CWC27: variants seen among roughly 807,000 people sequenced by gnomAD.
CWC27 encodes the protein spliceosome-associated protein CWC27 homolog.
In CWC27, 47 loss-of-function variants were observed where a neutral mutation model predicts 63.6. The observed-to-expected ratio is 0.74, with a 90% CI of 0.58 to 0.94. The LOEUF is 0.94. Ranked by LOEUF, CWC27 falls within the 40% of genes least tolerant of loss-of-function variation. The probability of loss-of-function intolerance (pLI) is 0.00; values close to 1 mark genes in which losing one functional copy is unlikely to be tolerated. For missense variants in CWC27, 495 were observed against 554.3 expected (o/e 0.89, Z 1.07); for synonymous variants, 175 against 179.8 (o/e 0.97, Z 0.22).
chr5:64,810,372 A>AT (rs1346788928), intron 10 of CWC27, among the ~76,000 whole-genome samples: 1 of 152,036 alleles, frequency 6.6e-6, no homozygotes, highest in Non-Finnish European at 1.5e-5. Flanking sequence ...TGCTTAGGCT[A>AT]TTTGGGGTCT....
intron 11 of CWC27, among the ~76,000 whole-genome samples, chr5:64,951,102 T>C (rs1239453799): frequency 1.3e-5 from 2 of 151,956 alleles, no homozygotes; most frequent in Admixed American, 6.6e-5. Flanking sequence ...GATAAATACC[T>C]AACAGTGTGA....
intron 11 of CWC27, among the ~76,000 whole-genome samples, chr5:64,902,035 A>G (rs1747521453): frequency 6.6e-6 from 1 of 152,192 alleles, no homozygotes; most frequent in Non-Finnish European, 1.5e-5. Context: ...CTTCTTCTGG[A>G]ATACCTCCAT....
At chr5:64,975,607 G>T (rs191255457) in intron 12 of CWC27, among the ~76,000 whole-genome samples, 1 of 152,020 alleles carries the variant, frequency 6.6e-6, no homozygotes, top group Admixed American at 6.6e-5. Flanking sequence ...ATAGCCACTT[G>T]CTTCTTCCTG....
chr5:64,892,957 G>A (rs1450808425), intron 11 of CWC27, among the ~76,000 whole-genome samples: 2 of 152,172 alleles, frequency 1.3e-5, no homozygotes, highest in African/African-American at 4.8e-5. Context: ...AATTCTGCAA[G>A]GAAAGATTAC....
Position 64,977,213 on chromosome 5 carries a change from A to C in CWC27, c.1231A>C (p.Thr411Pro). ...AETPENDIPE[T>P]EVEDDEGWMS... ...AACGCCTGAAAATGACATTCCTGAA[A>C]CAGAAGTAGAAGATGATGAAGGATG... Residue 411 changes from threonine (T) to proline (P), a missense_variant, in exon 13 of 14, where the codon ACA (threonine) becomes CCA (proline). Thr to Pro is a conservative substitution (Grantham distance 38). Around this residue, in one of 3 missense-constraint regions of CWC27, gnomAD observed 463 missense variants for 498.1 expected, o/e 0.93. Transcript: ENST00000381070. 6.2e-7 allele frequency: 1 copy of C among 1,611,276 alleles called. No individual in the cohort carries two copies. Among genetic ancestry groups the C allele is most frequent in the Non-Finnish European group, 8.5e-7 (1 of 1,177,918 alleles).
At chr5:64,869,636 C>G (rs182220440) in intron 10 of CWC27, among the ~76,000 whole-genome samples, 16 of 152,138 alleles carry the variant, frequency 1.1e-4, no homozygotes, top group Admixed American at 5.2e-4. Flanking sequence ...TTATTTTCAG[C>G]TAAATGCCAA....
chr5:64,822,937 G>A (rs1426090089), intron 10 of CWC27, among the ~76,000 whole-genome samples: 2 of 152,124 alleles, frequency 1.3e-5, no homozygotes, highest in Non-Finnish European at 1.5e-5. Context: ...TACATAGCAC[G>A]ATTAAAACAA....
chr5:64,837,708 C>T (rs1303912276), intron 10 of CWC27, among the ~76,000 whole-genome samples: 3 of 151,764 alleles, frequency 2.0e-5, no homozygotes, highest in Non-Finnish European at 4.4e-5. Flanking sequence ...CAAACCTCAC[C>T]TCACGGGGGT....
chr5:64,975,885 TG>T (rs2112445829), intron 12 of CWC27, among the ~76,000 whole-genome samples: 1 of 152,128 alleles, frequency 6.6e-6, no homozygotes, highest in African/African-American at 2.4e-5. Flanking sequence ...GCCAATATAA[TG>T]AAACCCCATC....
chr5:64,854,681 A>G lies in CWC27; in HGVS notation c.939-30762A>G, dbSNP rs1431440800. 3.3e-5 allele frequency among the ~76,000 whole-genome samples: 5 copies of G among 152,336 alleles called. No individual in the cohort carries two copies. In the South Asian group the frequency reaches 8.3e-4, roughly 25 times the overall value. On this transcript the variant is annotated intron_variant, in intron 10 of 13. Transcript: ENST00000381070. ...TTCTGTGCTTCAGGATGAAATAAAG[A>G]CACATCTTAGAAATAGCTCTTCTTA...
chr5:64,786,894 G>A (rs1743906318), intron 6 of CWC27, among the ~76,000 whole-genome samples: 1 of 152,136 alleles, frequency 6.6e-6, no homozygotes, highest in South Asian at 2.1e-4. Flanking sequence ...CTGAGACAGG[G>A]TAATTCATAA....
At chr5:64,873,449 C>A (rs1446130003) in intron 10 of CWC27, among the ~76,000 whole-genome samples, 4 of 151,846 alleles carry the variant, frequency 2.6e-5, no homozygotes, top group African/African-American at 9.7e-5. Context: ...TAGCAATAGA[C>A]CCTTCTCTCT....
At chr5:64,962,978 A>G (rs913736734) in intron 11 of CWC27, among the ~76,000 whole-genome samples, 13 of 152,188 alleles carry the variant, frequency 8.5e-5, no homozygotes, top group Admixed American at 3.3e-4. Flanking sequence ...ATTTTGTGAG[A>G]CAGAGTCTCT....
At chr5:64,932,689 T>A (rs939658500) in intron 11 of CWC27, among the ~76,000 whole-genome samples, 1 of 152,192 alleles carries the variant, frequency 6.6e-6, no homozygotes, top group African/African-American at 2.4e-5. Flanking sequence ...TTCTTGTCTC[T>A]TCTTCACCTC....
Position 64,782,012 on chromosome 5 carries a change from T to C in CWC27, c.231T>C (p.Ser77=). 6.4e-7 allele frequency: 1 copy of C among 1,570,988 alleles called. No homozygotes were observed. The highest frequency in any genetic ancestry group is 8.7e-7 in the Non-Finnish European group (1 of 1,147,680). ...CTGGCACAGGGAGTGGTGGAGAGTC[T>C]ATCTATGGAGCGCCATTCAAAGTAA... ...DPTGTGSGGE[S]IYGAPFKDEF... Residue 77 remains serine (S), a synonymous_variant, in exon 3 of 14, where the codon TCT becomes TCC. Coordinates refer to ENST00000381070, the MANE Select transcript of CWC27 (RefSeq NM_005869.4).
chr5:64,913,947 T>G (rs1224129281), intron 11 of CWC27, among the ~76,000 whole-genome samples: 1 of 152,096 alleles, frequency 6.6e-6, no homozygotes, highest in Non-Finnish European at 1.5e-5. Flanking sequence ...ATATCAAGAC[T>G]TGTTATAAGA....
In CWC27 at chr5:64,804,490, A is replaced by T. The variant is rs191313541; in HGVS notation, c.938+104A>T. 4 of 1,168,130 alleles carry T rather than the reference A, an allele frequency of 3.4e-6. No individual in the cohort carries two copies. In the Admixed American group the frequency reaches 1.2e-4, roughly 34 times the overall value. 72.4% of individuals were successfully genotyped at this position (1,168,130 alleles called of 1,614,324 possible). ...AGCTAATTTTTAAAATACTATTTTC[A>T]TAATGTTTGATAAACATAACAGTTG... On this transcript the variant is annotated intron_variant, in intron 10 of 13. Transcript: ENST00000381070.
At chr5:64,929,842 T>A (rs1471554228) in intron 11 of CWC27, among the ~76,000 whole-genome samples, 1 of 151,450 alleles carries the variant, frequency 6.6e-6, no homozygotes, top group Non-Finnish European at 1.5e-5. Context: ...AAAATTATCA[T>A]ATGACCCAGC....
intron 10 of CWC27, among the ~76,000 whole-genome samples, chr5:64,826,227 T>G (rs1187279106): frequency 6.6e-6 from 1 of 152,216 alleles, no homozygotes; most frequent in Non-Finnish European, 1.5e-5. Context: ...TTTCTTAATT[T>G]CCCTTGTGAC....
Sources: allele counts gnomAD v4.1 joint callset (sites outside exome capture counted in the v4.1 genomes callset), GRCh38; gene constraint gnomAD v4.1.1; regional missense constraint gnomAD v4.1.1; transcripts MANE v1.5; gene names NCBI Gene and HGNC (gene_info 2026-07-23, HGNC 2026-07-21).